ADD3: variants seen among roughly 807,000 people sequenced by gnomAD.
ADD3 encodes the protein adducin 3.
Under a neutral mutation model 80.2 loss-of-function variants are expected in ADD3, and 25 were observed. That is an observed-to-expected ratio of 0.31 (90% CI 0.23 to 0.44). ADD3 has a LOEUF of 0.44. Ranked by LOEUF, ADD3 falls within the 20% of genes least tolerant of loss-of-function variation. The probability of loss-of-function intolerance (pLI) is 1.00; values close to 1 mark genes in which losing one functional copy is unlikely to be tolerated. For missense variants in ADD3, 829 were observed against 847.5 expected (o/e 0.98, Z 0.27); for synonymous variants, 284 against 289.6 (o/e 0.98, Z 0.20).
intron 1 of ADD3, among the ~76,000 whole-genome samples, chr10:110,033,124 T>C (rs765201593): frequency 1.2e-4 from 19 of 152,224 alleles, no homozygotes; most frequent in Non-Finnish European, 2.1e-4. Context: ...GCACAGTGTT[T>C]CTCTTTGAAT....
At chr10:110,073,461 A>G (rs1394379891) in intron 1 of ADD3, among the ~76,000 whole-genome samples, 1 of 152,106 alleles carries the variant, frequency 6.6e-6, no homozygotes, top group Non-Finnish European at 1.5e-5. Flanking sequence ...TTATCTGTAA[A>G]GGAGGCATCA....
chr10:110,089,004 T>G (rs1470268299), intron 1 of ADD3, among the ~76,000 whole-genome samples: 1 of 152,182 alleles, frequency 6.6e-6, no homozygotes, highest in Non-Finnish European at 1.5e-5. Context: ...AGTTAAAATC[T>G]AATTTCAGCT....
intron 2 of ADD3, among the ~76,000 whole-genome samples, chr10:110,101,169 A>G (rs188948225): frequency 6.6e-6 from 1 of 152,312 alleles, no homozygotes; most frequent in Non-Finnish European, 1.5e-5. Flanking sequence ...AGGAACCAAT[A>G]AATAAGTTAG....
intron 1 of ADD3, among the ~76,000 whole-genome samples, chr10:110,063,737 TTATATATATATATATA>T (rs139871560): frequency 0.043 from 2,778 of 64,658 alleles, 174 homozygotes; most frequent in African/African-American, 0.1. Flanking sequence ...TATATATTCA[TTATATATATATATATA>T]TATATATATA....
chr10:110,038,876 G>T (rs780167895), intron 1 of ADD3, among the ~76,000 whole-genome samples: 1 of 152,174 alleles, frequency 6.6e-6, no homozygotes. Flanking sequence ...CATTAACAAT[G>T]ATGTTTATTT....
upstream of ADD3, among the ~76,000 whole-genome samples, chr10:110,004,330 C>T (rs1327448510): frequency 4.6e-5 from 7 of 150,870 alleles, no homozygotes; most frequent in Admixed American, 6.6e-5. Flanking sequence ...GTCAGGAGAT[C>T]GAGACCATCC....
At chr10:110,037,818 G>T (rs1230361191) in intron 1 of ADD3, among the ~76,000 whole-genome samples, 2 of 151,886 alleles carry the variant, frequency 1.3e-5, no homozygotes, top group African/African-American at 4.8e-5. Flanking sequence ...TGTAATCCCA[G>T]CACTTTGGGA....
rs759859056 is a variant in ADD3 at position 110,111,256 on chromosome 10, C to CA, written c.196-1520dup. Among the ~76,000 whole-genome samples, 14 of 152,352 alleles carry CA rather than the reference C, an allele frequency of 9.2e-5. No homozygotes were observed. In the East Asian group the frequency reaches 2.3e-3, roughly 25 times the overall value. ...AAATGGAGCTTAATTTCTGGCAGGGCATCCTGCTACATAAGTAACTAATCT... is the reference window on the plus strand; with the variant it reads ...AAATGGAGCTTAATTTCTGGCAGGGCAATCCTGCTACATAAGTAACTAATCT... On this transcript the variant is annotated intron_variant, in intron 2 of 14. Coordinates refer to ENST00000356080, the MANE Select transcript of ADD3 (RefSeq NM_016824.5).
chr10:110,083,344 G>A (rs533730741), intron 1 of ADD3, among the ~76,000 whole-genome samples: 7 of 152,060 alleles, frequency 4.6e-5, no homozygotes, highest in African/African-American at 9.6e-5. Context: ...GTGAAACCCC[G>A]TCTCTACTAA....
intron 1 of ADD3, among the ~76,000 whole-genome samples, chr10:110,093,957 A>G (rs1415134870): frequency 6.6e-6 from 1 of 152,198 alleles, no homozygotes; most frequent in Non-Finnish European, 1.5e-5. Flanking sequence ...AACTGCAGTT[A>G]AGGAGGGGAA....
At chr10:110,025,920 TAAAAAAG>T (rs754394127) in intron 1 of ADD3, among the ~76,000 whole-genome samples, 30 of 151,900 alleles carry the variant, frequency 2.0e-4, no homozygotes, top group Non-Finnish European at 4.0e-4. Flanking sequence ...CCCTTTTCCT[TAAAAAAG>T]AAAAAAAAAA....
upstream of ADD3, among the ~76,000 whole-genome samples, chr10:110,003,302 G>GGTGTGTGTGTGTGTGTGTGTGTGTGT (rs1554893815): frequency 2.6e-4 from 38 of 147,024 alleles, no homozygotes; most frequent in Middle Eastern, 3.4e-3. Context: ...GAACAGTAAG[G>GGTGTGTGTGTGTGTGTGTGTGTGTGT]GTGTGTGTGT....
chr10:110,042,944 T>C (rs1369505624), intron 1 of ADD3, among the ~76,000 whole-genome samples: 1 of 152,202 alleles, frequency 6.6e-6, no homozygotes, highest in African/African-American at 2.4e-5. Flanking sequence ...ATTTTTCTAC[T>C]TCAGAGTTTC....
intron 1 of ADD3, among the ~76,000 whole-genome samples, chr10:110,059,082 A>G (rs1240327175): frequency 6.6e-6 from 1 of 152,220 alleles, no homozygotes; most frequent in Admixed American, 6.5e-5. Context: ...CTTGTCTGTT[A>G]GCTGACACAG....
At chr10:110,097,038 C>G (rs1397734424) in intron 1 of ADD3, among the ~76,000 whole-genome samples, 1 of 152,124 alleles carries the variant, frequency 6.6e-6, no homozygotes, top group Non-Finnish European at 1.5e-5. Flanking sequence ...AGTCTGTGAA[C>G]ACTTTGGGTT....
At chr10:110,055,535 A>AT (rs1393066521) in intron 1 of ADD3, among the ~76,000 whole-genome samples, 3 of 146,340 alleles carry the variant, frequency 2.1e-5, no homozygotes, top group Middle Eastern at 3.2e-3. Flanking sequence ...TTAATATCTT[A>AT]TTTTTCCTTG....
chr10:110,126,602 G>A, intron 12 of ADD3, 99 bp downstream of exon 12: 1 of 870,468 alleles, frequency 1.1e-6, no homozygotes, highest in Non-Finnish European at 1.7e-6. Context: ...GTTAATATAA[G>A]CACAAGTTAA....
At chr10:110,085,843 C>T (rs1031026075) in intron 1 of ADD3, among the ~76,000 whole-genome samples, 4 of 151,994 alleles carry the variant, frequency 2.6e-5, no homozygotes, top group Admixed American at 1.3e-4. Flanking sequence ...TGGTGGCTCA[C>T]GCCTGTAATC....
At chr10:110,091,630 T>G (rs1201872072) in intron 1 of ADD3, among the ~76,000 whole-genome samples, 6 of 152,046 alleles carry the variant, frequency 3.9e-5, no homozygotes, top group Admixed American at 3.9e-4. Flanking sequence ...TATACAAAAT[T>G]CAACTCAAGA....
Sources: allele counts gnomAD v4.1 joint callset (sites outside exome capture counted in the v4.1 genomes callset), GRCh38; gene constraint gnomAD v4.1.1; transcripts MANE v1.5; gene names NCBI Gene and HGNC (gene_info 2026-07-23, HGNC 2026-07-21).